Variants in ACP6 observed in about 807,000 individuals in gnomAD.
The protein encoded by ACP6 is acid phosphatase 6, lysophosphatidic, also known as lysophosphatidic acid phosphatase type 6.
In ACP6, 48 loss-of-function variants were observed where a neutral mutation model predicts 48.1. That is an observed-to-expected ratio of 1.00 (90% CI 0.79 to 1.27). ACP6 has a LOEUF of 1.27. Among genes scored for constraint, ACP6 ranks in the 50% most tolerant of loss-of-function variants. The pLI is 0.00. For missense variants in ACP6, 485 were observed against 529.1 expected, an observed-to-expected ratio of 0.92 and a Z score of 0.82; for synonymous variants, 172 against 204.2, an observed-to-expected ratio of 0.84 and a Z score of 1.34.
chr1:147,664,256 G>A (rs587611877), intron 1 of ACP6, among the ~76,000 whole-genome samples: 12 of 152,142 alleles, frequency 7.9e-5, no homozygotes, highest in South Asian at 2.1e-4. Flanking sequence ...AAAACCCTTC[G>A]AGGGTTCATG....
chr1:147,652,628 C>G, intron 6 of ACP6, 79 bp from the exon 7 acceptor site: 1 of 1,608,934 alleles, frequency 6.2e-7, no homozygotes, highest in Non-Finnish European at 8.5e-7. Flanking sequence ...TCCATGGAAC[C>G]TGCAGGAGCC....
intron 1 of ACP6, among the ~76,000 whole-genome samples, chr1:147,662,634 G>A (rs1660602352): frequency 6.6e-6 from 1 of 152,244 alleles, no homozygotes; most frequent in South Asian, 2.1e-4. Flanking sequence ...GAATGCATGA[G>A]AAGTTACTAC....
chr1:147,659,140 T>A, intron 3 of ACP6, 101 bp from the exon 4 acceptor site: 3 of 1,173,080 alleles, frequency 2.6e-6, no homozygotes, highest in East Asian at 5.1e-5. Context: ...CAAGAGTACA[T>A]AAGGAGAGCT....
chr1:147,668,212 G>T (rs1472884272), intron 1 of ACP6, among the ~76,000 whole-genome samples: 1 of 152,156 alleles, frequency 6.6e-6, no homozygotes, highest in Non-Finnish European at 1.5e-5. Flanking sequence ...AGAAAGGAGA[G>T]GTAATATGCC....
chr1:147,647,744 G>A, intron 9 of ACP6, 178 bp from the exon 10 acceptor site: 1 of 809,600 alleles, frequency 1.2e-6, no homozygotes, highest in Non-Finnish European at 1.9e-6. Context: ...TGCTCTGCTT[G>A]TAAAAGTCAC....
Position 147,669,813 on chromosome 1 carries a change from C to T in ACP6, c.219+17G>A, listed in dbSNP as rs782469899. On this transcript the variant is annotated intron_variant, in intron 1 of 9. Coordinates refer to ENST00000583509, the MANE Select transcript of ACP6 (RefSeq NM_016361.5). The stretch of plus-strand genomic sequence containing the variant: ...CGGTCCTCGCCCCACCAGCCCCAGC[C>T]CGGGCCGACCTCTCACCTGCTCCTC... 26 of 1,554,686 alleles carry T rather than the reference C, an allele frequency of 1.7e-5. No individual in the cohort carries two copies. The African/African-American group carries it at 2.2e-4, about 13-fold the overall frequency.
At chr1:147,660,732 T>C (rs1454435309) in intron 1 of ACP6, among the ~76,000 whole-genome samples, 2 of 152,244 alleles carry the variant, frequency 1.3e-5, no homozygotes, top group Non-Finnish European at 2.9e-5. Context: ...GAAAAAATAT[T>C]TTTATTGCAT....
chr1:147,639,165 G>A (rs1364769121), downstream of ACP6, among the ~76,000 whole-genome samples: 4 of 152,172 alleles, frequency 2.6e-5, no homozygotes, highest in South Asian at 2.1e-4. Flanking sequence ...ATGTACAATC[G>A]CAGTTCAGAA....
At position 147,652,505 on chromosome 1, in the gene ACP6, C is replaced by T. The variant is rs1056328641; in HGVS notation, c.825G>A (p.Arg275=). 1.1e-5 allele frequency: 17 copies of T among 1,614,126 alleles called. No homozygotes were observed. The highest frequency in any genetic ancestry group is 1.7e-4 in the Middle Eastern group (1 of 6,060). ...TGTCCACAGCTCTCTGTTCGATCAT[C>T]CTTGCAAATCTCTTCAGCATGGGGC... ...PSCPMLKRFA[R]MIEQRAVDTS... is the part of the protein sequence containing the mutation. The change falls in exon 7 of 10, where the codon AGG becomes AGA. Residue 275 remains arginine, a synonymous_variant. Transcript: ENST00000583509.
At chr1:147,661,453 A>T (rs949605529) in intron 1 of ACP6, among the ~76,000 whole-genome samples, 2 of 152,086 alleles carry the variant, frequency 1.3e-5, no homozygotes, top group Admixed American at 1.3e-4. Flanking sequence ...TAATCAATAA[A>T]TGTTGTGTGT....
chr1:147,663,377 C>T (rs1242892530), intron 1 of ACP6, among the ~76,000 whole-genome samples: 1 of 152,150 alleles, frequency 6.6e-6, no homozygotes, highest in East Asian at 1.9e-4. Context: ...CTTTAGTGAT[C>T]TATTGTACAG....
At position 147,648,340 on chromosome 1, in the gene ACP6, T is replaced by G; in HGVS notation, c.1049A>C (p.His350Pro). The G allele has an allele frequency of 6.2e-7, 1 of 1,614,136 alleles. No individual in the cohort carries two copies. The highest frequency in any genetic ancestry group is 2.2e-5 in the East Asian group (1 of 44,876). Residue 350 changes from histidine (H) to proline (P), a missense_variant, in exon 9 of 10, where the codon CAC (histidine) becomes CCC (proline). By Grantham distance (77) the His-to-Pro change is moderately conservative. Coordinates refer to ENST00000583509, the MANE Select transcript of ACP6 (RefSeq NM_016361.5). ...PLLMTLGIFD[H>P]KWPPFAVDLT... Reference sequence around the variant, plus strand: ...GTCAACAGCAAACGGTGGCCATTTGTGGTCAAAAATCCCCAGGGTCATTAA... The same window carrying G: ...GTCAACAGCAAACGGTGGCCATTTGGGGTCAAAAATCCCCAGGGTCATTAA...
intron 1 of ACP6, among the ~76,000 whole-genome samples, chr1:147,669,089 A>C (rs1368923033): frequency 1.2e-5 from 1 of 83,116 alleles, no homozygotes; most frequent in Non-Finnish European, 2.9e-5. Context: ...AGGAAAGATA[A>C]TCATTTTTTT....
Position 147,643,651 on chromosome 1 carries a change from T to C in ACP6, c.*3772A>G, listed in dbSNP as rs1156661104. ...CGATAGTAAGAATGGGATGGGATGA[T>C]GGGAAAAAGGGAGATGTTAGTCAAA... On this transcript the variant is annotated 3_prime_UTR_variant, in exon 10 of 10. Coordinates refer to ENST00000583509, the MANE Select transcript of ACP6 (RefSeq NM_016361.5). 1 of 152,054 alleles carries C rather than the reference T, an allele frequency of 6.6e-6. No homozygotes were observed. Among genetic ancestry groups the C allele is most frequent in the African/African-American group, 2.4e-5 (1 of 41,384 alleles). The allele number at this position is 152,054 out of a possible 1,614,324, so 9.4% of individuals were successfully genotyped here. A position where few individuals can be genotyped will look rare whatever the true frequency, so the allele number is the denominator to read the frequency against.
intron 4 of ACP6, among the ~76,000 whole-genome samples, chr1:147,655,951 T>A (rs1553211549): frequency 2.0e-5 from 3 of 152,078 alleles, no homozygotes; most frequent in Non-Finnish European, 4.4e-5. Flanking sequence ...GCAAGTGCCA[T>A]CTCTGTGTGG....
chr1:147,636,370 G>A (rs1390159560), intron 5 of ACP6, among the ~76,000 whole-genome samples: 1 of 152,192 alleles, frequency 6.6e-6, no homozygotes, highest in Non-Finnish European at 1.5e-5. Context: ...GCCATCTTTG[G>A]CAGGAAGATC....
intron 6 of ACP6, 64 bp downstream of exon 6, chr1:147,654,130 G>A (rs1270998499): frequency 1.6e-5 from 25 of 1,584,186 alleles, no homozygotes; most frequent in Middle Eastern, 2.1e-4. Flanking sequence ...CTCTCCACCC[G>A]GTTCTAACTC....
chr1:147,661,358 C>CTG (rs782610561), intron 1 of ACP6, among the ~76,000 whole-genome samples: 5 of 151,578 alleles, frequency 3.3e-5, no homozygotes, highest in Admixed American at 6.6e-5. Flanking sequence ...GTTTCCCAGG[C>CTG]TGATCCTGAA....
chr1:147,652,752 G>GCAA, intron 6 of ACP6: 1 of 372,044 alleles, frequency 2.7e-6, no homozygotes, highest in South Asian at 7.4e-5. Flanking sequence ...CTGAAGGCCA[G>GCAA]GAAAAAAAAA....
Sources: gnomAD v4.1 joint callset for allele counts (sites outside exome capture counted in the v4.1 genomes callset) on GRCh38, gnomAD v4.1.1 for gene constraint, MANE v1.5 for transcripts, NCBI Gene and HGNC (gene_info 2026-07-23, HGNC 2026-07-21) for gene names.